ATP6V1H: variants seen among roughly 807,000 people sequenced by gnomAD.
ATP6V1H encodes the protein ATPase H+ transporting V1 subunit H, also known as V-type proton ATPase subunit H.
ATP6V1H carries 39 observed loss-of-function variants against 71.7 expected under a neutral mutation model. That is an observed-to-expected ratio of 0.54 (90% confidence interval 0.42 to 0.71). ATP6V1H has a LOEUF of 0.71. Ranked by LOEUF, ATP6V1H falls within the 30% of genes least tolerant of loss-of-function variation. The pLI is 0.00. For synonymous variants in ATP6V1H, 192 were observed against 199.3 expected, an observed-to-expected ratio of 0.96 and a Z score of 0.31; for missense variants, 509 against 594.9, an observed-to-expected ratio of 0.86 and a Z score of 1.50.
At position 53,833,060 on chromosome 8, in the gene ATP6V1H, C is replaced by T. The variant is rs142498058; in HGVS notation, c.140G>A (p.Cys47Tyr). ...CATTTCAAACCTCTGAATAAACTCA[C>T]AATCTTCAGCAGAAATCATCTGTCC... ...LQGQMISAEDCEFIQRFEMKR... is the reference protein window; with the variant it reads ...LQGQMISAEDYEFIQRFEMKR... The change falls in exon 3 of 14, where the codon TGT becomes TAT. Residue 47 changes from cysteine (C) to tyrosine (Y), a missense_variant. Physicochemically the swap from Cys to Tyr is radical, Grantham distance 194. Transcript: ENST00000359530. The T allele has an allele frequency of 1.2e-5, 19 of 1,613,440 alleles. No homozygotes were observed. In the African/African-American group the frequency reaches 1.7e-4, roughly 15 times the overall value.
chr8:53,753,181 A>G (rs1298185731), intron 12 of ATP6V1H, among the ~76,000 whole-genome samples: 2 of 152,126 alleles, frequency 1.3e-5, no homozygotes, highest in African/African-American at 4.8e-5. Context: ...GAGCTTGCAC[A>G]GAAAGTAAGT....
Position 53,768,280 on chromosome 8 carries a change from A to G in ATP6V1H, c.1175+1338T>C, listed in dbSNP as rs578016566. ...GTGAGTGGCTAGAATCAAAAAGGTCATAATAAACGTTGGCAAAGATGTGGA... is the reference window on the plus strand; with the variant it reads ...GTGAGTGGCTAGAATCAAAAAGGTCGTAATAAACGTTGGCAAAGATGTGGA... On this transcript the variant is annotated intron_variant, in intron 11 of 13. Transcript: ENST00000359530. 2.6e-5 allele frequency among the ~76,000 whole-genome samples: 4 copies of G among 152,342 alleles called. No homozygotes were observed. In the South Asian group the frequency reaches 8.3e-4, roughly 32 times the overall value.
At chr8:53,808,064 T>C (rs530950475) in intron 7 of ATP6V1H, among the ~76,000 whole-genome samples, 1 of 152,328 alleles carries the variant, frequency 6.6e-6, no homozygotes, top group African/African-American at 2.4e-5. Flanking sequence ...ACAGCATTCA[T>C]CTAGCAACTA....
intron 12 of ATP6V1H, among the ~76,000 whole-genome samples, chr8:53,751,925 C>T (rs1270281123): frequency 2.6e-5 from 4 of 152,152 alleles, no homozygotes; most frequent in African/African-American, 7.2e-5. Flanking sequence ...ACCTTGGCCT[C>T]CCAAAGTGCT....
chr8:53,795,439 G>C (rs1809695374), intron 9 of ATP6V1H, among the ~76,000 whole-genome samples: 1 of 152,052 alleles, frequency 6.6e-6, no homozygotes. Flanking sequence ...GTAACTCACA[G>C]ATTTCATTCA....
intron 12 of ATP6V1H, among the ~76,000 whole-genome samples, chr8:53,752,894 A>G (rs1169925361): frequency 6.6e-6 from 1 of 152,204 alleles, no homozygotes; most frequent in African/African-American, 2.4e-5. Context: ...TAACCTGGTA[A>G]AAGATCAAAA....
intron 13 of ATP6V1H, among the ~76,000 whole-genome samples, chr8:53,740,102 C>G (rs1439192415): frequency 6.6e-6 from 1 of 152,200 alleles, no homozygotes; most frequent in Non-Finnish European, 1.5e-5. Flanking sequence ...TAACTCCATA[C>G]TCCATATGAT....
intron 13 of ATP6V1H, chr8:53,739,441 C>T (rs576646370): frequency 1.3e-5 from 2 of 152,230 alleles, no homozygotes; most frequent in African/African-American, 4.8e-5. Flanking sequence ...TTTACCTAAG[C>T]ATAAAAAATC....
At chr8:53,813,224 C>A (rs766111838) in intron 6 of ATP6V1H, among the ~76,000 whole-genome samples, 12 of 152,016 alleles carry the variant, frequency 7.9e-5, no homozygotes, top group Non-Finnish European at 1.8e-4. Context: ...AACCGAGCCC[C>A]AAACCAGTTA....
intron 7 of ATP6V1H, 134 bp downstream of exon 7, chr8:53,811,030 A>C: frequency 1.7e-6 from 1 of 596,652 alleles, no homozygotes; most frequent in East Asian, 2.8e-5. Context: ...ATAGTTTATA[A>C]TACAATTAAC....
chr8:53,828,453 C>T (rs1585834157), intron 4 of ATP6V1H, among the ~76,000 whole-genome samples: 1 of 152,140 alleles, frequency 6.6e-6, no homozygotes, highest in African/African-American at 2.4e-5. Flanking sequence ...AACCACGGTC[C>T]GCATGCCGAC....
intron 4 of ATP6V1H, among the ~76,000 whole-genome samples, chr8:53,819,219 TA>T (rs1719537787): frequency 6.6e-6 from 1 of 150,736 alleles, no homozygotes; most frequent in Non-Finnish European, 1.5e-5. Context: ...AAAACAAAAA[TA>T]AAATTAAAAA....
chr8:53,720,921 T>C (rs768225378), intron 13 of ATP6V1H, among the ~76,000 whole-genome samples: 1 of 152,240 alleles, frequency 6.6e-6, no homozygotes, highest in Non-Finnish European at 1.5e-5. Flanking sequence ...CTTGGAATTC[T>C]ATAGCCTACT....
chr8:53,813,205 G>A lies in ATP6V1H; in HGVS notation c.525+1457C>T, dbSNP rs149149696. ...ATAAAATGGTGGCTCTTGTAAAAAC[G>A]CTTTTTAAAACCGAGCCCCAAACCA... On this transcript the variant is annotated intron_variant, in intron 6 of 13. Coordinates refer to ENST00000359530, the MANE Select transcript of ATP6V1H (RefSeq NM_015941.4). Among the ~76,000 whole-genome samples the A allele has an allele frequency of 2.2e-3, 341 of 152,114 alleles. 2 individuals are homozygous for A. The highest frequency in any genetic ancestry group is 7.9e-3 in the African/African-American group (328 of 41,488).
At chr8:53,812,999 A>G (rs549104421) in intron 6 of ATP6V1H, among the ~76,000 whole-genome samples, 1 of 152,292 alleles carries the variant, frequency 6.6e-6, no homozygotes, top group East Asian at 1.9e-4. Context: ...CAGGCCTGGA[A>G]TGAAGTTTAT....
intron 13 of ATP6V1H, among the ~76,000 whole-genome samples, chr8:53,733,634 T>C (rs889638151): frequency 1.3e-5 from 2 of 152,152 alleles, no homozygotes; most frequent in East Asian, 1.9e-4. Flanking sequence ...AGCAGGTCAT[T>C]TGCAACCTAC....
At chr8:53,745,685 A>G (rs1807576686) in intron 12 of ATP6V1H, among the ~76,000 whole-genome samples, 2 of 152,088 alleles carry the variant, frequency 1.3e-5, no homozygotes, top group African/African-American at 4.8e-5. Flanking sequence ...GCCATTTTAA[A>G]CAGGAAAATC....
Position 53,814,762 on chromosome 8 carries a change from G to T in ATP6V1H, c.425C>A (p.Ala142Glu), listed in dbSNP as rs1224747379. The T allele has an allele frequency of 6.2e-7, 1 of 1,607,666 alleles. No individual in the cohort carries two copies. The highest frequency in any genetic ancestry group is 1.1e-5 in the South Asian group (1 of 90,452). Reference sequence around the variant, plus strand: ...AGCTGCTAACTTGGCAATAATTCTTGCTGCCTGAAAACAAATAAGAGATAC... The same window carrying T: ...AGCTGCTAACTTGGCAATAATTCTTTCTGCCTGAAAACAAATAAGAGATAC... The part of the protein sequence containing the change: ...RQDPFTVHMA[A>E]RIIAKLAAWG... Residue 142 changes from alanine to glutamate, a missense_variant, in exon 6 of 14, where the codon GCA becomes GAA. Ala to Glu is a moderately radical substitution (Grantham distance 107). Transcript: ENST00000359530.
At chr8:53,820,486 C>T (rs1041266222) in intron 4 of ATP6V1H, among the ~76,000 whole-genome samples, 1 of 151,418 alleles carries the variant, frequency 6.6e-6, no homozygotes, top group African/African-American at 2.4e-5. Flanking sequence ...TATAATGAGA[C>T]CCTAATCTCT....
Sources: gnomAD v4.1 joint callset for allele counts (sites outside exome capture counted in the v4.1 genomes callset) on GRCh38, gnomAD v4.1.1 for gene constraint, MANE v1.5 for transcripts, NCBI Gene and HGNC (gene_info 2026-07-23, HGNC 2026-07-21) for gene names.